Variants in CHSY3 observed in about 807,000 individuals in gnomAD.
CHSY3 encodes N-acetylgalactosaminyl-proteoglycan 3-beta-glucuronosyltransferase 3.
In CHSY3, 35 loss-of-function variants were observed where a neutral mutation model predicts 67.2. The observed-to-expected ratio is 0.52, with a 90% confidence interval of 0.40 to 0.69. The LOEUF is 0.69. CHSY3 is among the 30% of genes least tolerant of loss of function. CHSY3 has a pLI of 0.00. For synonymous variants in CHSY3, 474 were observed against 434.7 expected (o/e 1.09, Z -1.12); for missense variants, 1,069 against 1,138.5 (o/e 0.94, Z 0.88).
intron 2 of CHSY3, among the ~76,000 whole-genome samples, chr5:130,013,040 C>T (rs552792000): frequency 5.9e-4 from 90 of 151,840 alleles, no homozygotes; most frequent in Non-Finnish European, 9.0e-4. Flanking sequence ...GAGAAATTGG[C>T]AAAAACAAAG....
intron 2 of CHSY3, among the ~76,000 whole-genome samples, chr5:129,959,831 ATTG>A: frequency 6.6e-6 from 1 of 151,864 alleles, no homozygotes; most frequent in African/African-American, 2.4e-5. Flanking sequence ...TTTTCCTTTT[ATTG>A]CAAGTGATGC....
chr5:129,917,202 GC>G (rs2149580129), intron 2 of CHSY3, among the ~76,000 whole-genome samples: 1 of 152,196 alleles, frequency 6.6e-6, no homozygotes, highest in African/African-American at 2.4e-5. Context: ...ACCTCTCTGT[GC>G]CTTTGTTTCC....
Position 130,184,868 on chromosome 5 carries a change from G to A in CHSY3, c.1726G>A (p.Glu576Lys), listed in dbSNP as rs575317049. 7.5e-5 allele frequency: 119 copies of A among 1,592,990 alleles called. 2 individuals carry two copies. The South Asian group carries it at 1.1e-3, about 15-fold the overall frequency. The stretch of plus-strand genomic sequence containing the variant: ...CAGCAAGCCTTTCTTCAGAGAGACC[G>A]AAGAGCTAGATGTCAACAGTCTTGT... ...LFSKPFFRETEELDVNSLVES... is the reference protein window; with the variant it reads ...LFSKPFFRETKELDVNSLVES... Residue 576 changes from glutamate (E) to lysine (K), a missense_variant, in exon 3 of 3, where the codon GAA (glutamate) becomes AAA (lysine). Coordinates refer to ENST00000305031, the MANE Select transcript of CHSY3 (RefSeq NM_175856.5).
chr5:130,013,167 T>C (rs1351364493), intron 2 of CHSY3, among the ~76,000 whole-genome samples: 1 of 152,178 alleles, frequency 6.6e-6, no homozygotes, highest in Non-Finnish European at 1.5e-5. Context: ...GCTCCCATGG[T>C]CTTGGAGACC....
chr5:130,139,911 A>G (rs185395963), intron 2 of CHSY3: 1 of 152,456 alleles, frequency 6.6e-6, no homozygotes, highest in Admixed American at 6.5e-5. Context: ...TATCAAGTCA[A>G]GTACACTGAC....
chr5:130,120,037 A>C (rs924709675), intron 2 of CHSY3, among the ~76,000 whole-genome samples: 1 of 152,218 alleles, frequency 6.6e-6, no homozygotes, highest in Admixed American at 6.5e-5. Flanking sequence ...ACACATTTAA[A>C]CATTAAATTT....
chr5:130,015,544 C>G (rs1764195713), intron 2 of CHSY3, among the ~76,000 whole-genome samples: 1 of 152,174 alleles, frequency 6.6e-6, no homozygotes, highest in African/African-American at 2.4e-5. Context: ...GAATTTTGCT[C>G]TGACATGAGT....
chr5:129,977,899 A>G (rs1037051234), intron 2 of CHSY3, among the ~76,000 whole-genome samples: 3 of 151,934 alleles, frequency 2.0e-5, no homozygotes, highest in African/African-American at 7.2e-5. Context: ...AGCTTACTTC[A>G]GAACAACAAC....
intron 2 of CHSY3, among the ~76,000 whole-genome samples, chr5:130,151,904 C>T (rs1014390636): frequency 6.6e-6 from 1 of 152,170 alleles, no homozygotes; most frequent in African/African-American, 2.4e-5. Context: ...AGGCAAAATT[C>T]ATCCCCTCAC....
intron 2 of CHSY3, among the ~76,000 whole-genome samples, chr5:130,092,685 A>G (rs1467555904): frequency 6.6e-6 from 1 of 152,172 alleles, no homozygotes; most frequent in Admixed American, 6.5e-5. Flanking sequence ...TGCTGCTTGC[A>G]TTACAGAAAA....
At chr5:130,000,402 A>G (rs539521916) in intron 2 of CHSY3, among the ~76,000 whole-genome samples, 2 of 152,348 alleles carry the variant, frequency 1.3e-5, no homozygotes, top group African/African-American at 2.4e-5. Flanking sequence ...TCAAGTCAGT[A>G]CACATTTAAA....
In CHSY3 at chr5:130,006,809, A is replaced by T. The variant is rs59045674; in HGVS notation, c.1086+98449A>T. ...TTTCAGTGCTTGGGTCCTCTAAAAA[A>T]TTTATCTAATCCCATATAGATACAA... On this transcript the variant is annotated intron_variant, in intron 2 of 2. Coordinates refer to ENST00000305031, the MANE Select transcript of CHSY3 (RefSeq NM_175856.5). 5.4e-4 allele frequency among the ~76,000 whole-genome samples: 83 copies of T among 152,322 alleles called. 1 individual carries two copies. Among genetic ancestry groups the T allele is most frequent in the African/African-American group, 2.0e-3 (83 of 41,578 alleles).
At chr5:130,045,891 G>A (rs1765132462) in intron 2 of CHSY3, among the ~76,000 whole-genome samples, 2 of 152,012 alleles carry the variant, frequency 1.3e-5, no homozygotes, top group Non-Finnish European at 2.9e-5. Flanking sequence ...ATTTTCTTGT[G>A]CTTAATGACA....
rs558592123 is a variant in CHSY3, at chr5:130,148,685, A to T, written c.1087-35544A>T. Among the ~76,000 whole-genome samples, 3 of 152,202 alleles carry T rather than the reference A, an allele frequency of 2.0e-5. No individual in the cohort carries two copies. The East Asian group carries it at 5.8e-4, about 29-fold the overall frequency. On this transcript the variant is annotated intron_variant, in intron 2 of 2. Transcript: ENST00000305031. ...CTTTTTTCATATGCTTATTGGCTAT[A>T]TGTATGTCTTCTTTTAAAAAGTGGC...
intron 2 of CHSY3, among the ~76,000 whole-genome samples, chr5:129,939,221 C>A (rs1227991876): frequency 6.6e-6 from 1 of 152,156 alleles, no homozygotes; most frequent in African/African-American, 2.4e-5. Flanking sequence ...CTGGAGACAG[C>A]AAGGGAGAAG....
intron 2 of CHSY3, among the ~76,000 whole-genome samples, chr5:129,973,150 A>T (rs1399466775): frequency 1.3e-5 from 2 of 152,070 alleles, no homozygotes; most frequent in African/African-American, 4.8e-5. Context: ...TGTGTCATAG[A>T]TTCTACACTG....
At chr5:130,050,990 T>A (rs1765332727) in intron 2 of CHSY3, among the ~76,000 whole-genome samples, 1 of 152,140 alleles carries the variant, frequency 6.6e-6, no homozygotes, top group Non-Finnish European at 1.5e-5. Context: ...AAATGTACTA[T>A]CATAAAAATA....
At chr5:130,120,587 TC>T (rs1490518607) in intron 2 of CHSY3, among the ~76,000 whole-genome samples, 3 of 149,378 alleles carry the variant, frequency 2.0e-5, no homozygotes, top group Non-Finnish European at 4.5e-5. Flanking sequence ...TGTGACTGCA[TC>T]CCCCAACTAC....
At chr5:130,147,921 G>C (rs1365714880) in intron 2 of CHSY3, among the ~76,000 whole-genome samples, 4 of 151,508 alleles carry the variant, frequency 2.6e-5, no homozygotes, top group Non-Finnish European at 5.9e-5. Flanking sequence ...CCCGTGTCAT[G>C]GGGGGTTGTT....
Sources: allele counts gnomAD v4.1 joint callset (sites outside exome capture counted in the v4.1 genomes callset), GRCh38; gene constraint gnomAD v4.1.1; transcripts MANE v1.5; gene names NCBI Gene and HGNC (gene_info 2026-07-23, HGNC 2026-07-21).